RBFOX1: variants seen among roughly 807,000 people sequenced by gnomAD.
The protein encoded by RBFOX1 is RNA binding protein fox-1 homolog 1.
A neutral mutation model predicts 57.7 loss-of-function variants in RBFOX1; 8 were observed. The ratio of observed to expected loss-of-function variants is 0.14; its 90% confidence interval spans 0.08 to 0.25. The LOEUF is 0.25. Among genes scored for constraint, RBFOX1 ranks in the 10% least tolerant of loss-of-function variants. The pLI, the probability that RBFOX1 is intolerant of heterozygous loss-of-function variation, is 1.00. For missense variants in RBFOX1, 611 were observed against 548.5 expected, an observed-to-expected ratio of 1.11 and a Z score of -1.14; for synonymous variants, 326 against 222.4, an observed-to-expected ratio of 1.47 and a Z score of -4.15.
At chr16:5,410,288 C>G (rs1023418485) in intron 1 of RBFOX1, among the ~76,000 whole-genome samples, 7 of 151,606 alleles carry the variant, frequency 4.6e-5, no homozygotes, top group African/African-American at 1.5e-4. Context: ...GGAGAATCAC[C>G]TGTGCCCTCA....
At chr16:7,106,330 G>A (rs932298275) in intron 4 of RBFOX1, among the ~76,000 whole-genome samples, 3 of 152,156 alleles carry the variant, frequency 2.0e-5, no homozygotes, top group African/African-American at 7.2e-5. Flanking sequence ...GTACAGCTTT[G>A]TTTAATTAAA....
intron 1 of RBFOX1, among the ~76,000 whole-genome samples, chr16:6,284,042 C>A (rs1255448337): frequency 6.6e-6 from 1 of 152,154 alleles, no homozygotes; most frequent in African/African-American, 2.4e-5. Flanking sequence ...AGGGCTTTGC[C>A]TGTGTAGCTT....
chr16:7,203,512 C>T (rs980404397), intron 4 of RBFOX1, among the ~76,000 whole-genome samples: 1 of 152,174 alleles, frequency 6.6e-6, no homozygotes, highest in African/African-American at 2.4e-5. Context: ...GAATTGTATG[C>T]TTAAAATGGT....
At chr16:6,358,914 A>C (rs10521041) in intron 2 of RBFOX1, among the ~76,000 whole-genome samples, 15,286 of 152,258 alleles carry the variant, frequency 0.1, 928 homozygotes, top group Middle Eastern at 0.17. Flanking sequence ...TCGAAACATG[A>C]AGGGTAGCAA....
chr16:5,922,342 A>C (rs959540456), intron 4 of RBFOX1, among the ~76,000 whole-genome samples: 1 of 152,186 alleles, frequency 6.6e-6, no homozygotes, highest in Non-Finnish European at 1.5e-5. Flanking sequence ...GGGGACAAAC[A>C]TCTAAACCAT....
intron 4 of RBFOX1, among the ~76,000 whole-genome samples, chr16:7,188,058 TTC>T (rs1253503294): frequency 2.6e-5 from 4 of 152,224 alleles, no homozygotes; most frequent in African/African-American, 7.2e-5. Flanking sequence ...ATTTTAACTT[TTC>T]TCTGTTTCTC....
At chr16:5,841,508 A>T (rs2056625182) in intron 3 of RBFOX1, among the ~76,000 whole-genome samples, 1 of 152,236 alleles carries the variant, frequency 6.6e-6, no homozygotes, top group Admixed American at 6.5e-5. Context: ...AGTAAAATAC[A>T]GGGTGCCCAG....
At chr16:6,263,362 G>T (rs2097713263) in intron 1 of RBFOX1, among the ~76,000 whole-genome samples, 2 of 152,244 alleles carry the variant, frequency 1.3e-5, no homozygotes, top group African/African-American at 4.8e-5. Flanking sequence ...CAAGGAGAAT[G>T]ATATCTATGT....
At chr16:7,524,772 C>G (rs181342540) in intron 5 of RBFOX1, among the ~76,000 whole-genome samples, 1 of 152,324 alleles carries the variant, frequency 6.6e-6, no homozygotes, top group Non-Finnish European at 1.5e-5. Context: ...TTCCTTAATA[C>G]TTTTAGGAAG....
chr16:6,737,943 C>A (rs1273409521), intron 3 of RBFOX1, among the ~76,000 whole-genome samples: 1 of 152,072 alleles, frequency 6.6e-6, no homozygotes, highest in Non-Finnish European at 1.5e-5. Flanking sequence ...AATGAGTAAA[C>A]ATTCCCAGCA....
intron 3 of RBFOX1, among the ~76,000 whole-genome samples, chr16:6,821,947 T>G (rs2154277287): frequency 6.6e-6 from 1 of 152,322 alleles, no homozygotes; most frequent in South Asian, 2.1e-4. Flanking sequence ...AGCTCTAGTT[T>G]CTGATGTGAT....
intron 4 of RBFOX1, among the ~76,000 whole-genome samples, chr16:5,934,856 G>C (rs1485024208): frequency 6.6e-6 from 1 of 152,262 alleles, no homozygotes; most frequent in Non-Finnish European, 1.5e-5. Flanking sequence ...GCCACTCACA[G>C]AAAGAGTTGT....
intron 3 of RBFOX1, among the ~76,000 whole-genome samples, chr16:6,949,095 C>G (rs1027477130): frequency 2.0e-5 from 3 of 152,136 alleles, no homozygotes; most frequent in African/African-American, 7.2e-5. Context: ...TCTTTATCCT[C>G]TGAAATGTAA....
At chr16:7,039,521 C>T (rs11639699) in intron 3 of RBFOX1, among the ~76,000 whole-genome samples, 124,158 of 152,158 alleles carry the variant, frequency 0.82, 51,284 homozygotes, top group East Asian at 0.94. Context: ...TTTGTTTTTA[C>T]TTTTTTAATT....
At chr16:7,307,812 C>A (rs542790213) in intron 4 of RBFOX1, among the ~76,000 whole-genome samples, 1 of 152,186 alleles carries the variant, frequency 6.6e-6, no homozygotes, top group Non-Finnish European at 1.5e-5. Context: ...TCAGATGGAA[C>A]GGACAAGTAG....
intron 14 of RBFOX1, among the ~76,000 whole-genome samples, chr16:7,700,269 G>C (rs553262402): frequency 1.3e-5 from 2 of 152,084 alleles, no homozygotes; most frequent in Non-Finnish European, 2.9e-5. Flanking sequence ...ACTGTCACTT[G>C]TTTAGTCCTT....
At chr16:7,317,146 G>A (rs1467070732) in intron 4 of RBFOX1, among the ~76,000 whole-genome samples, 1 of 152,108 alleles carries the variant, frequency 6.6e-6, no homozygotes, top group Non-Finnish European at 1.5e-5. Flanking sequence ...GATACTACTG[G>A]TGCAAGCTGA....
intron 2 of RBFOX1, among the ~76,000 whole-genome samples, chr16:5,547,244 G>A (rs563924853): frequency 1.3e-5 from 2 of 152,278 alleles, no homozygotes; most frequent in Admixed American, 6.5e-5. Context: ...GCCATTTCAT[G>A]TCTAGAGGTA....
At chr16:7,432,894 T>G (rs992346930) in intron 4 of RBFOX1, among the ~76,000 whole-genome samples, 1 of 152,330 alleles carries the variant, frequency 6.6e-6, no homozygotes. Context: ...TAACACAGAA[T>G]CAACAGCCTT....
Sources: allele counts gnomAD v4.1 joint callset (sites outside exome capture counted in the v4.1 genomes callset), GRCh38; gene constraint gnomAD v4.1.1; transcripts MANE v1.5; gene names NCBI Gene and HGNC (gene_info 2026-07-23, HGNC 2026-07-21).